The following PCCB variants were observed in gnomAD, a reference collection of about 807,000 sequenced individuals.
PCCB encodes the protein propionyl-CoA carboxylase subunit beta, also known as propionyl-CoA carboxylase beta chain, mitochondrial.
PCCB carries 43 observed loss-of-function variants against 60.7 expected under a neutral mutation model. The observed-to-expected ratio is 0.71, with a 90% CI of 0.55 to 0.91. The LOEUF is 0.91. Among genes scored for constraint, PCCB ranks in the 40% least tolerant of loss-of-function variants. The pLI is 0.00. For missense variants in PCCB, 766 were observed against 702.8 expected, an observed-to-expected ratio of 1.09 and a Z score of -1.02; for synonymous variants, 276 against 255.9, an observed-to-expected ratio of 1.08 and a Z score of -0.75.
chr3:136,289,050 G>A (rs1005839004), intron 6 of PCCB, among the ~76,000 whole-genome samples: 7 of 152,040 alleles, frequency 4.6e-5, no homozygotes, highest in Non-Finnish European at 7.4e-5. Flanking sequence ...TAGAGATGGG[G>A]TCTTGCCATA....
At chr3:136,310,955 C>T (rs990426055) in intron 9 of PCCB, among the ~76,000 whole-genome samples, 1 of 151,910 alleles carries the variant, frequency 6.6e-6, no homozygotes, top group African/African-American at 2.4e-5. Context: ...TGGTATAGAC[C>T]TTTTCAAAAG....
chr3:136,294,665 C>T (rs1171617235), intron 7 of PCCB, among the ~76,000 whole-genome samples: 1 of 151,620 alleles, frequency 6.6e-6, no homozygotes, highest in African/African-American at 2.4e-5. Flanking sequence ...GGCTGGAGTG[C>T]AGGACACAGT....
At chr3:136,272,927 C>T (rs188948253) in intron 5 of PCCB, among the ~76,000 whole-genome samples, 106 of 152,232 alleles carry the variant, frequency 7.0e-4, no homozygotes, top group Admixed American at 3.1e-3. Flanking sequence ...AGTTTGTGTT[C>T]TTTCAGACTT....
intron 5 of PCCB, among the ~76,000 whole-genome samples, chr3:136,276,356 C>T (rs1180660177): frequency 6.6e-6 from 1 of 152,130 alleles, no homozygotes. Flanking sequence ...GGGGAACTCT[C>T]AATTAGATGC....
At chr3:136,264,734 G>A (rs376616739) in intron 5 of PCCB, among the ~76,000 whole-genome samples, 1 of 151,610 alleles carries the variant, frequency 6.6e-6, no homozygotes, top group East Asian at 1.9e-4. Flanking sequence ...AATTAGCCAG[G>A]TGTGGTGGCG....
chr3:136,328,972 T>A, intron 14 of PCCB, 115 bp downstream of exon 14: 1 of 820,300 alleles, frequency 1.2e-6, no homozygotes, highest in Non-Finnish European at 2.1e-6. Context: ...ATCTGTTGAC[T>A]AGTGAGGGTT....
At chr3:136,299,090 G>A (rs1452772936) in intron 8 of PCCB, among the ~76,000 whole-genome samples, 1 of 152,036 alleles carries the variant, frequency 6.6e-6, no homozygotes, top group African/African-American at 2.4e-5. Flanking sequence ...GAAGGGTTTA[G>A]GACATCACTT....
chr3:136,316,030 G>A (rs1307547027), intron 9 of PCCB, among the ~76,000 whole-genome samples: 1 of 151,942 alleles, frequency 6.6e-6, no homozygotes, highest in Non-Finnish European at 1.5e-5. Flanking sequence ...ACCAGTCTGG[G>A]CAACATAGCG....
At chr3:136,314,881 C>T (rs1442402074) in intron 9 of PCCB, among the ~76,000 whole-genome samples, 1 of 152,154 alleles carries the variant, frequency 6.6e-6, no homozygotes, top group East Asian at 1.9e-4. Context: ...GAAATAGTAA[C>T]TTTACAAGGA....
chr3:136,294,765 A>G (rs1933859258), intron 7 of PCCB, among the ~76,000 whole-genome samples: 1 of 152,034 alleles, frequency 6.6e-6, no homozygotes, highest in Non-Finnish European at 1.5e-5. Context: ...ATGTCACATC[A>G]TACCCAGGTA....
intron 13 of PCCB, 53 bp downstream of exon 13, chr3:136,327,785 C>T (rs1935381342): frequency 1.0e-5 from 14 of 1,390,968 alleles, no homozygotes; most frequent in South Asian, 3.5e-5. Flanking sequence ...ACTCTACCAG[C>T]GAGAGCTCAA....
chr3:136,311,188 A>T (rs1030785367), intron 9 of PCCB, among the ~76,000 whole-genome samples: 2 of 152,206 alleles, frequency 1.3e-5, no homozygotes, highest in Admixed American at 6.5e-5. Flanking sequence ...ATGCATTATT[A>T]TACTAAAACA....
intron 6 of PCCB, among the ~76,000 whole-genome samples, chr3:136,288,463 A>G (rs1295038829): frequency 6.7e-6 from 1 of 150,146 alleles, no homozygotes; most frequent in Non-Finnish European, 1.5e-5. Flanking sequence ...CTCCTGCCTC[A>G]GCCTCCTGTG....
intron 10 of PCCB, among the ~76,000 whole-genome samples, chr3:136,320,564 G>C (rs189479766): frequency 6.6e-6 from 1 of 151,980 alleles, no homozygotes; most frequent in Non-Finnish European, 1.5e-5. Flanking sequence ...AACTTTGCTG[G>C]GTTTATTAAC....
intron 1 of PCCB, among the ~76,000 whole-genome samples, chr3:136,252,834 T>C (rs1045087993): frequency 1.3e-5 from 2 of 151,520 alleles, no homozygotes; most frequent in Non-Finnish European, 2.9e-5. Flanking sequence ...TCTGTATATA[T>C]GTTGCCAAAT....
chr3:136,287,953 C>T (rs187057392), intron 6 of PCCB, among the ~76,000 whole-genome samples: 289 of 152,226 alleles, frequency 1.9e-3, no homozygotes, highest in African/African-American at 6.6e-3. Flanking sequence ...AGGTAATGCC[C>T]GTCTGTTTAC....
chr3:136,323,931 G>T (rs1005213252), intron 10 of PCCB, among the ~76,000 whole-genome samples: 2 of 148,710 alleles, frequency 1.3e-5, no homozygotes, highest in Admixed American at 6.7e-5. Flanking sequence ...TGAAAATGGG[G>T]TATTTATACA....
In PCCB at chr3:136,250,427, G is replaced by A; in HGVS notation, c.52G>A (p.Ala18Thr). 6.3e-7 allele frequency: 1 copy of A among 1,591,360 alleles called. No homozygotes were observed. Among genetic ancestry groups the A allele is most frequent in the Non-Finnish European group, 8.6e-7 (1 of 1,169,036 alleles). Residue 18 changes from alanine (A) to threonine (T), a missense_variant, in exon 1 of 15, where the codon GCG (alanine) becomes ACG (threonine). By Grantham distance (58) the Ala-to-Thr change is moderately conservative. Transcript: ENST00000251654. ...AAVGARLSVL[A>T]SGLRAAVRSL... ...GGTCGGGGCAAGGCTCAGCGTTCTG[G>A]CGAGCGGTCTCCGCGCCGCGGTCCG... is the stretch of plus-strand genomic sequence containing the variant.
At position 136,328,780 on chromosome 3, in the gene PCCB, A is replaced by T. The variant is rs145628302; in HGVS notation, c.1421A>T (p.Lys474Ile). 6.2e-7 allele frequency: 1 copy of T among 1,614,110 alleles called. No homozygotes were observed. The change falls in exon 14 of 15, where the codon AAA (lysine) becomes ATA (isoleucine). Residue 474 changes from lysine (K) to isoleucine (I), a missense_variant. Coordinates refer to ENST00000251654, the MANE Select transcript of PCCB (RefSeq NM_000532.5). ...GAKGAVEIIF[K>I]GHENVEAAQA... The stretch of plus-strand genomic sequence containing the variant: ...CAGGGCGCTGTGGAGATCATCTTCA[A>T]AGGGCATGAGAATGTGGAAGCTGCT...
Sources: gnomAD v4.1 joint callset for allele counts (sites outside exome capture counted in the v4.1 genomes callset) on GRCh38, gnomAD v4.1.1 for gene constraint, MANE v1.5 for transcripts, NCBI Gene and HGNC (gene_info 2026-07-23, HGNC 2026-07-21) for gene names.